Variants in KIF17 observed in about 807,000 individuals in gnomAD.
KIF17 encodes the protein kinesin-like protein KIF17.
In KIF17, 80 loss-of-function variants were observed where a neutral mutation model predicts 96.8. That is an observed-to-expected ratio of 0.83 (90% CI 0.69 to 1.00). KIF17 has a LOEUF of 1.00. Among genes scored for constraint, KIF17 ranks in the 50% least tolerant of loss-of-function variants. KIF17 has a pLI of 0.00. For synonymous variants in KIF17, 567 were observed against 587.5 expected (o/e 0.97, Z 0.51); for missense variants, 1,280 against 1,372.9 (o/e 0.93, Z 1.07).
Position 20,712,696 on chromosome 1 carries a change from G to T in KIF17, c.480+758C>A, listed in dbSNP as rs1557606591. 2.8e-4 allele frequency among the ~76,000 whole-genome samples: 22 copies of T among 78,612 alleles called. 1 individual carries two copies. Among genetic ancestry groups the T allele is most frequent in the African/African-American group, 1.1e-3 (18 of 17,050 alleles). The allele number at this position is 78,612 out of a possible 152,430, so 51.6% of individuals were successfully genotyped here. A position where few individuals can be genotyped will look rare whatever the true frequency, so the allele number is the denominator to read the frequency against. ...GATAATATTATCTATATATAATATAGATAATATTATCTATATATAAAATTA... is the reference window on the plus strand; with the variant it reads ...GATAATATTATCTATATATAATATATATAATATTATCTATATATAAAATTA... On this transcript the variant is annotated intron_variant, in intron 3 of 14. Coordinates refer to ENST00000400463, the MANE Select transcript of KIF17 (RefSeq NM_001122819.3).
intron 11 of KIF17, among the ~76,000 whole-genome samples, chr1:20,674,400 C>T (rs574542333): frequency 2.0e-5 from 3 of 152,186 alleles, no homozygotes; most frequent in East Asian, 3.9e-4. Context: ...AGCAGGGACT[C>T]CAGGTGCATG....
chr1:20,665,216 GCT>G (rs1491378267), intron 14 of KIF17, among the ~76,000 whole-genome samples: 3 of 69,094 alleles, frequency 4.3e-5, no homozygotes, highest in East Asian at 3.4e-4. Context: ...ACTCAAATTT[GCT>G]CTTTTTTTTT....
At chr1:20,667,372 G>A (rs748436758) in intron 13 of KIF17, among the ~76,000 whole-genome samples, 19 of 152,268 alleles carry the variant, frequency 1.2e-4, no homozygotes, top group Middle Eastern at 3.4e-3. Context: ...ACATGGGACC[G>A]TCTAGTTGCA....
intron 11 of KIF17, among the ~76,000 whole-genome samples, chr1:20,676,588 T>TG (rs1470196568): frequency 6.6e-6 from 1 of 152,198 alleles, no homozygotes; most frequent in Non-Finnish European, 1.5e-5. Context: ...CCCAGCACTT[T>TG]GGGAGGCCAA....
chr1:20,662,304 G>A (rs374962044), downstream of KIF17, among the ~76,000 whole-genome samples: 1 of 152,162 alleles, frequency 6.6e-6, no homozygotes, highest in South Asian at 2.1e-4. Context: ...TCCACCAGGG[G>A]TTTAAGTAAA....
chr1:20,669,675 C>G (rs1191098072), intron 13 of KIF17, among the ~76,000 whole-genome samples: 1 of 149,464 alleles, frequency 6.7e-6, no homozygotes, highest in Non-Finnish European at 1.5e-5. Flanking sequence ...AGATCGAGAC[C>G]ATCCTGGCCA....
chr1:20,714,267 C>T (rs2054537039), intron 2 of KIF17, among the ~76,000 whole-genome samples: 2 of 151,870 alleles, frequency 1.3e-5, no homozygotes, highest in Admixed American at 1.3e-4. Flanking sequence ...GCGGAGCTTG[C>T]AGTGAGCTGA....
Position 20,664,190 on chromosome 1 carries a change from C to A in KIF17, c.*394G>T, listed in dbSNP as rs1057244565. 1.2e-5 allele frequency: 5 copies of A among 405,544 alleles called. No homozygotes were observed. The highest frequency in any genetic ancestry group is 8.3e-6 in the Non-Finnish European group (2 of 240,008). The allele number at this position is 405,544 out of a possible 1,614,324, so 25.1% of individuals were successfully genotyped here. On this transcript the variant is annotated 3_prime_UTR_variant, in exon 15 of 15. Coordinates refer to ENST00000400463, the MANE Select transcript of KIF17 (RefSeq NM_001122819.3). ...AGACAGAGGCACAGTTCCTTCCCAG[C>A]TGATATTGAGCTTCCTCCACGTGGC...
At chr1:20,680,446 T>G (rs1158075807) in intron 11 of KIF17, among the ~76,000 whole-genome samples, 1 of 152,150 alleles carries the variant, frequency 6.6e-6, no homozygotes, top group African/African-American at 2.4e-5. Flanking sequence ...GTGCAGTGGC[T>G]CACACCTGTA....
Position 20,699,397 on chromosome 1 carries a change from C to T in KIF17, c.1124-909G>A. Reference sequence around the variant, plus strand: ...CAGCCAACATAGTAAAACCCCGTCTCTACCAAAAAAATACAAAAATTAGCT... The same window carrying T: ...CAGCCAACATAGTAAAACCCCGTCTTTACCAAAAAAATACAAAAATTAGCT... On this transcript the variant is annotated intron_variant, in intron 5 of 14. Transcript: ENST00000400463. The surrounding 1 kb of genome is among the most constrained non-coding windows in gnomAD (Gnocchi z 4.3). Among the ~76,000 whole-genome samples, 1 of 150,368 alleles carries T rather than the reference C, an allele frequency of 6.7e-6. No homozygotes were observed. Among genetic ancestry groups the T allele is most frequent in the Non-Finnish European group, 1.5e-5 (1 of 68,010 alleles).
At position 20,690,216 on chromosome 1, in the gene KIF17, C is replaced by T. The variant is rs770292711; in HGVS notation, c.1353G>A (p.Thr451=). 41 of 1,613,992 alleles carry T rather than the reference C, an allele frequency of 2.5e-5. No individual in the cohort carries two copies. The highest frequency in any genetic ancestry group is 3.2e-5 in the Non-Finnish European group (38 of 1,180,036). ...TCTCCTTCCGCAGGTTCTCCTCCAG[C>T]GTGGACAGCCTGACGTCATATGAGT... ...MRNSYDVRLS[T]LEENLRKETE... Residue 451 remains threonine, a synonymous_variant, in exon 7 of 15, where the codon ACG becomes ACA. Coordinates refer to ENST00000400463, the MANE Select transcript of KIF17 (RefSeq NM_001122819.3).
At position 20,672,781 on chromosome 1, in the gene KIF17, T is replaced by C. The variant is rs2053670526; in HGVS notation, c.2464-585A>G. 5.9e-6 allele frequency: 1 copy of C among 169,792 alleles called. No individual in the cohort carries two copies. Among genetic ancestry groups the C allele is most frequent in the Admixed American group, 5.4e-5 (1 of 18,434 alleles). The allele number at this position is 169,792 out of a possible 1,614,324, so 10.5% of individuals were successfully genotyped here. A position where few individuals can be genotyped will look rare whatever the true frequency, so the allele number is the denominator to read the frequency against. On this transcript the variant is annotated intron_variant, in intron 11 of 14. Coordinates refer to ENST00000400463, the MANE Select transcript of KIF17 (RefSeq NM_001122819.3). This position sits in a 1 kb window ranked among gnomAD's most constrained non-coding sequence, Gnocchi z 4.3. The stretch of plus-strand genomic sequence containing the variant: ...TCAAGGGTTCCAGATTCTTTTGGTC[T>C]CCTGCTCAAGTCTGCCAGACCGGTC...
At chr1:20,708,334 G>A (rs2054378549) in intron 4 of KIF17, among the ~76,000 whole-genome samples, 1 of 152,192 alleles carries the variant, frequency 6.6e-6, no homozygotes, top group African/African-American at 2.4e-5. Context: ...CTCAGGCCTT[G>A]ACCCTGGGTA....
chr1:20,691,208 C>G (rs1264615603), intron 6 of KIF17, among the ~76,000 whole-genome samples: 1 of 151,776 alleles, frequency 6.6e-6, no homozygotes, highest in African/African-American at 2.4e-5. Context: ...CATGAGACCA[C>G]TTGAACCTGG....
At chr1:20,707,772 A>G (rs2054365713) in intron 4 of KIF17, among the ~76,000 whole-genome samples, 1 of 137,012 alleles carries the variant, frequency 7.3e-6, no homozygotes, top group Non-Finnish European at 1.5e-5. Flanking sequence ...CAAAAAAAAA[A>G]ACAAACCAAT....
intron 11 of KIF17, 42 bp downstream of exon 11, chr1:20,682,611 T>A (rs1454676180): frequency 6.3e-7 from 1 of 1,577,726 alleles, no homozygotes; most frequent in Admixed American, 1.7e-5. Flanking sequence ...GTCTCACCCA[T>A]CTCTGGGCAG....
chr1:20,685,120 C>T lies in KIF17; in HGVS notation c.2020-100G>A, dbSNP rs1172818197. On this transcript the variant is annotated intron_variant, in intron 9 of 14. Transcript: ENST00000400463. This position sits in a 1 kb window ranked among gnomAD's most constrained non-coding sequence, Gnocchi z 4.1. ...ATCCCAGACGGGGCCATTCCGCCTG[C>T]TGCAGCCCCGACAGATCACCTCCAG... The T allele has an allele frequency of 1.1e-6, 1 of 908,960 alleles. No homozygotes were observed. The highest frequency in any genetic ancestry group is 1.4e-5 in the South Asian group (1 of 70,788). The allele number at this position is 908,960 out of a possible 1,614,324, so 56.3% of individuals were successfully genotyped here.
intron 9 of KIF17, 23 bp downstream of exon 9, chr1:20,686,023 T>C: frequency 6.5e-7 from 1 of 1,538,946 alleles, no homozygotes; most frequent in Non-Finnish European, 8.8e-7. Flanking sequence ...GTCCCCCACA[T>C]GGAGGCCCGG....
Position 20,690,039 on chromosome 1 carries a change from A to G in KIF17, c.1381+149T>C, listed in dbSNP as rs1365646429. On this transcript the variant is annotated intron_variant, in intron 7 of 14. Transcript: ENST00000400463. ...TTTCCTCATCTATATAGCGAGCATA[A>G]TTGTGGTACCTACCTTACTGGACCA... The G allele has an allele frequency of 7.3e-6, 6 of 818,352 alleles. No individual in the cohort carries two copies. In the East Asian group the frequency reaches 1.6e-4, roughly 22 times the overall value. The allele number at this position is 818,352 out of a possible 1,614,324, so 50.7% of individuals were successfully genotyped here.
Sources: allele counts gnomAD v4.1 joint callset (sites outside exome capture counted in the v4.1 genomes callset), GRCh38; gene constraint gnomAD v4.1.1; non-coding constraint Gnocchi (gnomAD v3.1); transcripts MANE v1.5; gene names NCBI Gene and HGNC (gene_info 2026-07-23, HGNC 2026-07-21).